Variants in IMPG2 observed in about 807,000 individuals in gnomAD.
IMPG2 encodes interphotoreceptor matrix proteoglycan 2, also known as IPM 200.
A neutral mutation model predicts 129.2 loss-of-function variants in IMPG2; 91 were observed. The ratio of observed to expected loss-of-function variants is 0.70; its 90% CI spans 0.59 to 0.84. The LOEUF is 0.84. Among genes scored for constraint, IMPG2 ranks in the 40% least tolerant of loss-of-function variants. IMPG2 has a pLI of 0.00. For synonymous variants in IMPG2, 510 were observed against 517.7 expected (o/e 0.99, Z 0.20); for missense variants, 1,430 against 1,461.7 (o/e 0.98, Z 0.35).
chr3:101,311,555 T>A (rs1000439351), intron 2 of IMPG2, among the ~76,000 whole-genome samples: 8 of 152,096 alleles, frequency 5.3e-5, no homozygotes, highest in Admixed American at 1.3e-4. Flanking sequence ...AAAATTATTT[T>A]AAAAAATAAA....
intron 14 of IMPG2, among the ~76,000 whole-genome samples, chr3:101,235,950 C>T (rs975596270): frequency 3.3e-5 from 5 of 152,148 alleles, no homozygotes; most frequent in Non-Finnish European, 7.4e-5. Flanking sequence ...AAGAGATGCC[C>T]TTGAGAGGGT....
intron 11 of IMPG2, among the ~76,000 whole-genome samples, 185 bp from the exon 12 acceptor site, chr3:101,246,290 T>C (rs981197263): frequency 2.0e-5 from 3 of 152,140 alleles, no homozygotes; most frequent in Non-Finnish European, 4.4e-5. Flanking sequence ...CAAATTCCAA[T>C]ATCTAGAGAA....
rs66908707 is a variant in IMPG2 at position 101,226,225 on chromosome 3, T to TTATATATATATA, written c.*732_*743dup. ...TAGATTAATGGGAATCTTCTAAACT[T>TTATATATATATA]TATATATATATATATATATATATAT... On this transcript the variant is annotated 3_prime_UTR_variant, in exon 19 of 19. Transcript: ENST00000193391. 2.8e-4 allele frequency: 29 copies of TTATATATATATA among 102,874 alleles called. 1 individual carries two copies. The highest frequency in any genetic ancestry group is 3.9e-4 in the Admixed American group (4 of 10,166). The allele number at this position is 102,874 out of a possible 1,614,324, so 6.4% of individuals were successfully genotyped here.
chr3:101,310,163 CT>C (rs1180069977), intron 2 of IMPG2, among the ~76,000 whole-genome samples: 2 of 152,156 alleles, frequency 1.3e-5, no homozygotes, highest in African/African-American at 2.4e-5. Context: ...TAAATTTCAC[CT>C]TTAAGAAAGT....
intron 11 of IMPG2, among the ~76,000 whole-genome samples, chr3:101,252,112 C>T (rs1706550866): frequency 6.6e-6 from 1 of 151,960 alleles, no homozygotes; most frequent in African/African-American, 2.4e-5. Context: ...TGGTGCTTGC[C>T]ATCATTAAGC....
chr3:101,309,257 T>A (rs1432871526), intron 2 of IMPG2, among the ~76,000 whole-genome samples: 1 of 152,194 alleles, frequency 6.6e-6, no homozygotes, highest in African/African-American at 2.4e-5. Context: ...TTTTTGGGTA[T>A]CTTTACAGCA....
intron 11 of IMPG2, among the ~76,000 whole-genome samples, chr3:101,253,010 T>C (rs1190419828): frequency 1.3e-5 from 2 of 152,202 alleles, no homozygotes; most frequent in Non-Finnish European, 2.9e-5. Flanking sequence ...GTAGATGTTA[T>C]CATTGTTGTT....
intron 11 of IMPG2, among the ~76,000 whole-genome samples, chr3:101,252,093 GA>G (rs1706550470): frequency 6.6e-6 from 1 of 152,088 alleles, no homozygotes; most frequent in African/African-American, 2.4e-5. Flanking sequence ...ATGAACAAGT[GA>G]GCCCTATTGG....
chr3:101,233,058 T>G, intron 14 of IMPG2, 67 bp from the exon 15 acceptor site: 1 of 1,405,860 alleles, frequency 7.1e-7, no homozygotes, highest in Non-Finnish European at 1.0e-6. Flanking sequence ...TACAAAGCCC[T>G]TCATTAAAGT....
In IMPG2 at chr3:101,319,576, T is replaced by C. The variant is rs2058800998; in HGVS notation, c.334+8A>G. On this transcript the variant is annotated splice_region_variant and intron_variant, in intron 2 of 18. Transcript: ENST00000193391. ...TTATGGAGCTGAAGGATTTGGATGT[T>C]CGCTTACCTCGGACTTTAAAATACT... 6.2e-7 allele frequency: 1 copy of C among 1,613,162 alleles called. No homozygotes were observed. Among genetic ancestry groups the C allele is most frequent in the Non-Finnish European group, 8.5e-7 (1 of 1,179,642 alleles).
chr3:101,294,443 T>C (rs1707056024), intron 3 of IMPG2, among the ~76,000 whole-genome samples: 1 of 152,246 alleles, frequency 6.6e-6, no homozygotes, highest in Non-Finnish European at 1.5e-5. Flanking sequence ...TATGGCTGCA[T>C]AGTATTCCAT....
At position 101,229,529 on chromosome 3, in the gene IMPG2, CG is replaced by C; in HGVS notation, c.3483del (p.Val1162CysfsTer29). ...SSIENAVKYN[P>X]VYESHRAGCE... ...CATCCAGCCCTGTGACTTTCATACA[CG>C]GGGTTGTACTTCACAGCATTCTCAA... On this transcript the variant is annotated frameshift_variant, in exon 17 of 19. Transcript: ENST00000193391. LOFTEE classifies it high-confidence loss of function. 1 of 1,613,940 alleles carries C rather than the reference CG, an allele frequency of 6.2e-7. No homozygotes were observed. Among genetic ancestry groups the C allele is most frequent in the South Asian group, 1.1e-5 (1 of 91,072 alleles).
At chr3:101,292,795 T>C (rs1707033929) in intron 3 of IMPG2, among the ~76,000 whole-genome samples, 1 of 152,236 alleles carries the variant, frequency 6.6e-6, no homozygotes, top group South Asian at 2.1e-4. Context: ...ACTGAGTTTA[T>C]CTAATAGTCT....
At chr3:101,278,148 TCACTTGAACC>T (rs1689727348) in intron 4 of IMPG2, among the ~76,000 whole-genome samples, 1 of 152,120 alleles carries the variant, frequency 6.6e-6, no homozygotes, top group African/African-American at 2.4e-5. Context: ...GGTATGAGAA[TCACTTGAACC>T]CAGGAGGCAG....
rs745707345 is a variant in IMPG2, at chr3:101,253,648, G to A, written c.1239+48C>T. 1.3e-5 allele frequency: 17 copies of A among 1,287,520 alleles called. No homozygotes were observed. In the South Asian group the frequency reaches 1.9e-4, roughly 15 times the overall value. The allele number at this position is 1,287,520 out of a possible 1,614,324, so 79.8% of individuals were successfully genotyped here. ...CAAAGTAAGCAGGTGCAGGAAGAAA[G>A]AAGAGAAGCTTGAGGGCCTGGTTCT... On this transcript the variant is annotated intron_variant, in intron 11 of 18. Coordinates refer to ENST00000193391, the MANE Select transcript of IMPG2 (RefSeq NM_016247.4).
chr3:101,302,623 A>C (rs1200053068), intron 3 of IMPG2, among the ~76,000 whole-genome samples: 2 of 152,094 alleles, frequency 1.3e-5, no homozygotes. Flanking sequence ...GGACATTACC[A>C]CCTCCTTATA....
At chr3:101,234,785 A>T (rs998087538) in intron 14 of IMPG2, among the ~76,000 whole-genome samples, 1 of 152,182 alleles carries the variant, frequency 6.6e-6, no homozygotes, top group African/African-American at 2.4e-5. Context: ...AGCTTCTGAG[A>T]CACTGCATGT....
At chr3:101,297,891 G>C (rs1707097132) in intron 3 of IMPG2, among the ~76,000 whole-genome samples, 2 of 152,240 alleles carry the variant, frequency 1.3e-5, no homozygotes, top group Admixed American at 1.3e-4. Context: ...TTGGGGTAGA[G>C]AGTTCTGTAG....
At chr3:101,231,219 G>A in intron 15 of IMPG2, 74 bp from the exon 16 acceptor site, 2 of 1,349,404 alleles carry the variant, frequency 1.5e-6, no homozygotes, top group Non-Finnish European at 1.1e-6. Context: ...AGAACCTTCT[G>A]AGGGACTAGA....
Sources: gnomAD v4.1 joint callset for allele counts (sites outside exome capture counted in the v4.1 genomes callset) on GRCh38, gnomAD v4.1.1 for gene constraint, MANE v1.5 for transcripts, NCBI Gene and HGNC (gene_info 2026-07-23, HGNC 2026-07-21) for gene names.